WNT9B: variants seen among roughly 807,000 people sequenced by gnomAD.
The protein encoded by WNT9B is protein Wnt-9b.
A neutral mutation model predicts 30.2 loss-of-function variants in WNT9B; 12 were observed. The ratio of observed to expected loss-of-function variants is 0.40; its 90% CI spans 0.26 to 0.64. WNT9B has a LOEUF of 0.64. Ranked by LOEUF, WNT9B falls within the 30% of genes least tolerant of loss-of-function variation. The probability of loss-of-function intolerance (pLI) is 0.42; values close to 1 mark genes in which losing one functional copy is unlikely to be tolerated. For missense variants in WNT9B, 442 were observed against 485.2 expected, an observed-to-expected ratio of 0.91 and a Z score of 0.84; for synonymous variants, 218 against 216.9, an observed-to-expected ratio of 1.01 and a Z score of -0.05.
chr17:46,860,972 C>T (rs2085027209), intron 1 of WNT9B, among the ~76,000 whole-genome samples: 1 of 152,200 alleles, frequency 6.6e-6, no homozygotes, highest in African/African-American at 2.4e-5. Flanking sequence ...AGTCCTCCTG[C>T]CTCTGCCTTC....
chr17:46,882,190 T>C (rs1055074215), downstream of WNT9B, among the ~76,000 whole-genome samples: 8 of 152,156 alleles, frequency 5.3e-5, no homozygotes, highest in Non-Finnish European at 8.8e-5. Flanking sequence ...TTAAAACATG[T>C]TTTCCTGGCC....
chr17:46,843,511 C>A (rs1463533335), intron 1 of WNT9B, among the ~76,000 whole-genome samples: 1 of 152,184 alleles, frequency 6.6e-6, no homozygotes, highest in African/African-American at 2.4e-5. Flanking sequence ...GCTACCTCTT[C>A]CCTGGAACAA....
At chr17:46,849,642 C>T (rs905684413), upstream of WNT9B, among the ~76,000 whole-genome samples, 1 of 152,192 alleles carries the variant, frequency 6.6e-6, no homozygotes, top group Non-Finnish European at 1.5e-5. Context: ...CTCTTCCTAA[C>T]TCCAGTGATC....
chr17:46,864,584 G>A (rs957400557), intron 1 of WNT9B, among the ~76,000 whole-genome samples: 1 of 152,124 alleles, frequency 6.6e-6, no homozygotes, highest in Non-Finnish European at 1.5e-5. Context: ...GGGCCACCCA[G>A]GGGGTCAGAG....
chr17:46,844,679 G>T (rs1453545903), intron 1 of WNT9B, among the ~76,000 whole-genome samples: 1 of 152,156 alleles, frequency 6.6e-6, no homozygotes, highest in Non-Finnish European at 1.5e-5. Flanking sequence ...TTACTCAGAT[G>T]AAAACAAACT....
chr17:46,874,894 A>T, intron 2 of WNT9B: 1 of 763,572 alleles, frequency 1.3e-6, no homozygotes, highest in South Asian at 1.6e-5. Context: ...TTCCATTTAA[A>T]TGGCAACTTG....
intron 1 of WNT9B, among the ~76,000 whole-genome samples, chr17:46,863,299 G>A (rs1457497692): frequency 6.6e-6 from 1 of 152,344 alleles, no homozygotes; most frequent in Admixed American, 6.5e-5. Flanking sequence ...TGCACTCCTT[G>A]CGTGGGGTTA....
chr17:46,865,719 G>T (rs1036885242), intron 1 of WNT9B, among the ~76,000 whole-genome samples: 1 of 152,096 alleles, frequency 6.6e-6, no homozygotes, highest in African/African-American at 2.4e-5. Context: ...GGGCTCAAGC[G>T]ATCCTCCTAG....
At chr17:46,842,151 G>A (rs2084723293) in intron 1 of WNT9B, among the ~76,000 whole-genome samples, 1 of 152,238 alleles carries the variant, frequency 6.6e-6, no homozygotes, top group African/African-American at 2.4e-5. Flanking sequence ...AAAGGCTTGG[G>A]AAGTTGCTGG....
intron 1 of WNT9B, among the ~76,000 whole-genome samples, chr17:46,858,783 T>C (rs142407468): frequency 0.025 from 3,743 of 152,044 alleles, 157 homozygotes; most frequent in African/African-American, 0.086. Flanking sequence ...CCTCCTGCCT[T>C]AGCCTCCTGA....
intron 2 of WNT9B, among the ~76,000 whole-genome samples, chr17:46,873,147 T>C (rs752158663): frequency 2.1e-4 from 32 of 149,478 alleles, no homozygotes; most frequent in Non-Finnish European, 3.4e-4. Context: ...ACAAGGCACA[T>C]GAAGACGTGA....
chr17:46,835,598 C>T (rs1367101841), intron 1 of WNT9B, among the ~76,000 whole-genome samples: 1 of 152,260 alleles, frequency 6.6e-6, no homozygotes, highest in African/African-American at 2.4e-5. Context: ...TGACTTACCC[C>T]TCCTCCTTTG....
At chr17:46,874,009 G>A (rs1030672198) in intron 2 of WNT9B, among the ~76,000 whole-genome samples, 1 of 148,822 alleles carries the variant, frequency 6.7e-6, no homozygotes, top group East Asian at 2.0e-4. Context: ...AAAAAAAAAT[G>A]CAGTGATGCT....
At chr17:46,881,651 C>T (rs1022477868), downstream of WNT9B, among the ~76,000 whole-genome samples, 1 of 152,188 alleles carries the variant, frequency 6.6e-6, no homozygotes, top group Non-Finnish European at 1.5e-5. Flanking sequence ...GGCCCGCAGA[C>T]CCCTCCACCT....
Position 46,855,931 on chromosome 17 carries a change from C to T in WNT9B, c.77+4216C>T, listed in dbSNP as rs950548835. Reference sequence around the variant, plus strand: ...CTGGAACTCCTGACCTCAAATGATCCACCCACCTCAGCCTCCCAAACTGCT... The same window carrying T: ...CTGGAACTCCTGACCTCAAATGATCTACCCACCTCAGCCTCCCAAACTGCT... On this transcript the variant is annotated intron_variant, in intron 1 of 3. Coordinates refer to ENST00000290015, the MANE Select transcript of WNT9B (RefSeq NM_003396.3). 5.9e-5 allele frequency among the ~76,000 whole-genome samples: 9 copies of T among 152,166 alleles called. No homozygotes were observed. In the South Asian group the frequency reaches 1.5e-3, roughly 25 times the overall value.
rs1387397358 is a variant in WNT9B at position 46,872,736 on chromosome 17, C to A, written c.297C>A (p.Asn99Lys). The change falls in exon 2 of 4, where the codon AAC becomes AAA. Residue 99 changes from asparagine (N) to lysine (K), a missense_variant. Asn to Lys is a moderately conservative substitution (Grantham distance 94). Coordinates refer to ENST00000290015, the MANE Select transcript of WNT9B (RefSeq NM_003396.3). The part of the protein sequence containing the change: ...CQFQFRHERW[N>K]CSLEGRMGLL... ...TTCAGTTCCGGCATGAGCGCTGGAA[C>A]TGTAGCCTGGAGGGCAGGATGGGCC... 6.4e-7 allele frequency: 1 copy of A among 1,560,532 alleles called. No individual in the cohort carries two copies.
intron 1 of WNT9B, among the ~76,000 whole-genome samples, chr17:46,843,426 A>C (rs2084738748): frequency 6.6e-6 from 1 of 152,152 alleles, no homozygotes; most frequent in South Asian, 2.1e-4. Context: ...AAAGTGAAGA[A>C]AGAAGGACTG....
At chr17:46,872,817 C>G (rs753737579) in intron 2 of WNT9B, 44 bp downstream of exon 2, 83 of 1,497,940 alleles carry the variant, frequency 5.5e-5, no homozygotes, top group Non-Finnish European at 7.1e-5. Context: ...GGGGAAGAAG[C>G]CTTCAGGGAG....
At chr17:46,857,194 C>T (rs188739953) in intron 1 of WNT9B, among the ~76,000 whole-genome samples, 151 of 152,136 alleles carry the variant, frequency 9.9e-4, no homozygotes, top group African/African-American at 3.4e-3. Flanking sequence ...TTTGGCTGGG[C>T]GTGGTGGCTC....
Sources: gnomAD v4.1 joint callset for allele counts (sites outside exome capture counted in the v4.1 genomes callset) on GRCh38, gnomAD v4.1.1 for gene constraint, MANE v1.5 for transcripts, NCBI Gene and HGNC (gene_info 2026-07-23, HGNC 2026-07-21) for gene names.